GABRB2: variants seen among roughly 807,000 people sequenced by gnomAD.
The protein encoded by GABRB2 is gamma-aminobutyric acid type A receptor subunit beta2.
Under a neutral mutation model 54.7 loss-of-function variants are expected in GABRB2, and 16 were observed. The ratio of observed to expected loss-of-function variants is 0.29; its 90% CI spans 0.20 to 0.44. GABRB2 has a LOEUF of 0.44. GABRB2 is among the 20% of genes least tolerant of loss of function. GABRB2 has a pLI of 1.00. For missense variants in GABRB2, 355 were observed against 644.0 expected, an observed-to-expected ratio of 0.55 and a Z score of 4.86; for synonymous variants, 244 against 233.8, an observed-to-expected ratio of 1.04 and a Z score of -0.40.
chr5:161,426,521 T>A (rs1177840779), intron 4 of GABRB2, among the ~76,000 whole-genome samples: 4 of 151,962 alleles, frequency 2.6e-5, no homozygotes, highest in African/African-American at 9.7e-5. Flanking sequence ...GAAAATTCCC[T>A]CTCAAAACAC....
chr5:161,480,161 C>T (rs1758719103), intron 3 of GABRB2, among the ~76,000 whole-genome samples: 1 of 151,962 alleles, frequency 6.6e-6, no homozygotes, highest in Admixed American at 6.6e-5. Context: ...AAGAATGACA[C>T]AGCCCCCAAA....
chr5:161,321,640 A>G (rs1245341757), intron 9 of GABRB2, among the ~76,000 whole-genome samples: 1 of 152,180 alleles, frequency 6.6e-6, no homozygotes, highest in Non-Finnish European at 1.5e-5. Flanking sequence ...ATGTATCAAT[A>G]GTAATAACTT....
intron 3 of GABRB2, among the ~76,000 whole-genome samples, chr5:161,488,572 A>G (rs1014321047): frequency 1.3e-5 from 2 of 151,800 alleles, no homozygotes; most frequent in Non-Finnish European, 2.9e-5. Context: ...TTGGCTTTTG[A>G]TTACAGAATG....
chr5:161,388,311 T>C (rs1755709337), intron 5 of GABRB2, among the ~76,000 whole-genome samples: 1 of 152,098 alleles, frequency 6.6e-6, no homozygotes, highest in African/African-American at 2.4e-5. Context: ...AAGCTGTCAA[T>C]AGAAGAAGGC....
At chr5:161,527,400 T>C (rs1437090927) in intron 3 of GABRB2, among the ~76,000 whole-genome samples, 1 of 151,492 alleles carries the variant, frequency 6.6e-6, no homozygotes, top group African/African-American at 2.4e-5. Context: ...TGGAATAATA[T>C]CTGAATATTT....
Position 161,365,995 on chromosome 5 carries a change from C to A in GABRB2, c.542-29226G>T, listed in dbSNP as rs144586742. ...ACTTAGGTGAGCCTTTCACCTGCAC[C>A]TGGCAGATACTATTTACTTCAATTG... is the stretch of plus-strand genomic sequence containing the variant. On this transcript the variant is annotated intron_variant, in intron 5 of 9. Coordinates refer to ENST00000393959, the MANE Select transcript of GABRB2 (RefSeq NM_001371727.1). 7.6e-3 allele frequency among the ~76,000 whole-genome samples: 1,154 copies of A among 151,270 alleles called. 15 individuals carry two copies. The highest frequency in any genetic ancestry group is 0.02 in the Middle Eastern group (6 of 294).
In GABRB2 at chr5:161,289,712, T is replaced by A. The variant is rs967751608; in HGVS notation, c.*4369A>T. The A allele has an allele frequency of 6.6e-6, 1 of 152,084 alleles. No homozygotes were observed. The highest frequency in any genetic ancestry group is 1.5e-5 in the Non-Finnish European group (1 of 68,020). 9.4% of individuals were successfully genotyped at this position (152,084 alleles called of 1,614,324 possible). On this transcript the variant is annotated 3_prime_UTR_variant, in exon 10 of 10. Coordinates refer to ENST00000393959, the MANE Select transcript of GABRB2 (RefSeq NM_001371727.1). ...AAAGGCTATCTCTTGTTTGTTATAT[T>A]GACTACATAAATAGTAGAGTGTTTC...
chr5:161,414,477 C>T (rs1756607103), intron 4 of GABRB2, among the ~76,000 whole-genome samples: 1 of 152,022 alleles, frequency 6.6e-6, no homozygotes, highest in African/African-American at 2.4e-5. Context: ...ATGTGGAATA[C>T]CCATACACTT....
chr5:161,546,070 C>T (rs986414276), intron 2 of GABRB2, among the ~76,000 whole-genome samples: 3 of 152,238 alleles, frequency 2.0e-5, no homozygotes, highest in Non-Finnish European at 4.4e-5. Context: ...GCAAAGGATT[C>T]ATAACAGTGA....
In GABRB2 at chr5:161,293,053, G is replaced by A. The variant is rs1023965726; in HGVS notation, c.*1028C>T. The A allele has an allele frequency of 2.0e-5, 3 of 152,222 alleles. No individual in the cohort carries two copies. The highest frequency in any genetic ancestry group is 4.4e-5 in the Non-Finnish European group (3 of 68,030). 9.4% of individuals were successfully genotyped at this position (152,222 alleles called of 1,614,324 possible). A position where few individuals can be genotyped will look rare whatever the true frequency, so the allele number is the denominator to read the frequency against. ...AGAAAAACAATCTGTTTGCTAGTTT[G>A]TGCTCTGTATTTGTATATTTGAATG... On this transcript the variant is annotated 3_prime_UTR_variant, in exon 10 of 10. Transcript: ENST00000393959.
At chr5:161,454,399 C>T (rs1374884808) in intron 4 of GABRB2, among the ~76,000 whole-genome samples, 3 of 152,098 alleles carry the variant, frequency 2.0e-5, no homozygotes, top group Non-Finnish European at 4.4e-5. Flanking sequence ...TTTTCTTTAG[C>T]GGTTTTCTTT....
intron 9 of GABRB2, among the ~76,000 whole-genome samples, chr5:161,307,167 C>G (rs892697873): frequency 6.6e-6 from 1 of 152,274 alleles, no homozygotes; most frequent in African/African-American, 2.4e-5. Context: ...TTTCAGACCT[C>G]AGTTCAAATT....
Position 161,400,618 on chromosome 5 carries a change from C to G in GABRB2, c.541+10357G>C, listed in dbSNP as rs193041457. On this transcript the variant is annotated intron_variant, in intron 5 of 9. Coordinates refer to ENST00000393959, the MANE Select transcript of GABRB2 (RefSeq NM_001371727.1). ...ACACAATGTCGGTTTTTGAGTAGAGCCTTATCAAACTCTCAGTGTCCTGAG... is the reference window on the plus strand; with the variant it reads ...ACACAATGTCGGTTTTTGAGTAGAGGCTTATCAAACTCTCAGTGTCCTGAG... 1.6e-3 allele frequency among the ~76,000 whole-genome samples: 246 copies of G among 152,214 alleles called. 1 individual carries two copies. The highest frequency in any genetic ancestry group is 3.4e-3 in the Middle Eastern group (1 of 294).
intron 9 of GABRB2, among the ~76,000 whole-genome samples, chr5:161,321,703 C>T (rs1454788789): frequency 2.6e-5 from 4 of 152,078 alleles, no homozygotes; most frequent in South Asian, 2.1e-4. Context: ...CATTGTCTAA[C>T]GATATTTAAT....
chr5:161,295,096 G>A (rs1199898925), intron 9 of GABRB2, among the ~76,000 whole-genome samples: 1 of 152,178 alleles, frequency 6.6e-6, no homozygotes, highest in Admixed American at 6.5e-5. Flanking sequence ...TTCAGAATAA[G>A]GAGGAATTCA....
At chr5:161,439,051 T>TA (rs1354573797) in intron 4 of GABRB2, among the ~76,000 whole-genome samples, 5 of 152,294 alleles carry the variant, frequency 3.3e-5, no homozygotes, top group Admixed American at 3.3e-4. Context: ...ACAAGAAGGT[T>TA]ATAGAACACC....
Position 161,320,309 on chromosome 5 carries a change from G to C in GABRB2, c.1191+6059C>G, listed in dbSNP as rs1189726449. On this transcript the variant is annotated intron_variant, in intron 9 of 9. Transcript: ENST00000393959. ...CACACAACTGAGGATTAATTATGTA[G>C]TATTTAAAATTAGTATTATTTTCTA... is the stretch of plus-strand genomic sequence containing the variant. Among the ~76,000 whole-genome samples the C allele has an allele frequency of 4.0e-5, 6 of 151,886 alleles. No homozygotes were observed. The East Asian group carries it at 9.6e-4, about 24-fold the overall frequency.
chr5:161,377,811 T>C (rs1270755586), intron 5 of GABRB2, among the ~76,000 whole-genome samples: 1 of 152,080 alleles, frequency 6.6e-6, no homozygotes, highest in East Asian at 1.9e-4. Context: ...AGTAATTTGG[T>C]ACGTGAATCT....
intron 9 of GABRB2, among the ~76,000 whole-genome samples, chr5:161,325,489 T>C (rs1758336201): frequency 6.6e-6 from 1 of 152,114 alleles, no homozygotes; most frequent in African/African-American, 2.4e-5. Flanking sequence ...AACAATGATG[T>C]ATTAAAGATT....
Sources: allele counts gnomAD v4.1 joint callset (sites outside exome capture counted in the v4.1 genomes callset), GRCh38; gene constraint gnomAD v4.1.1; transcripts MANE v1.5; gene names NCBI Gene and HGNC (gene_info 2026-07-23, HGNC 2026-07-21).